The following ADAMTSL1 variants were observed in gnomAD, a reference collection of about 807,000 sequenced individuals.
ADAMTSL1 encodes the protein ADAMTS like 1.
A neutral mutation model predicts 201.8 loss-of-function variants in ADAMTSL1; 126 were observed. The observed-to-expected ratio is 0.62, with a 90% CI of 0.54 to 0.72. The LOEUF is 0.72. Among genes scored for constraint, ADAMTSL1 ranks in the 30% least tolerant of loss-of-function variants. The probability of loss-of-function intolerance (pLI) is 0.00; values close to 1 mark genes in which losing one functional copy is unlikely to be tolerated. For synonymous variants in ADAMTSL1, 1,121 were observed against 903.4 expected (o/e 1.24, Z -4.32); for missense variants, 2,679 against 2,277.8 (o/e 1.18, Z -3.59).
intron 2 of ADAMTSL1, among the ~76,000 whole-genome samples, chr9:18,255,490 T>A (rs1185894520): frequency 1.3e-5 from 2 of 152,196 alleles, no homozygotes; most frequent in African/African-American, 4.8e-5. Flanking sequence ...ACCAGCTACT[T>A]ATGTTAACTT....
intron 1 of ADAMTSL1, among the ~76,000 whole-genome samples, chr9:18,062,476 AT>A (rs1357059785): frequency 6.6e-6 from 1 of 152,164 alleles, no homozygotes; most frequent in Non-Finnish European, 1.5e-5. Flanking sequence ...ACAATAATCA[AT>A]TATCCTTTTA....
chr9:18,058,704 G>T (rs1292803914), intron 1 of ADAMTSL1, among the ~76,000 whole-genome samples: 1 of 152,086 alleles, frequency 6.6e-6, no homozygotes, highest in East Asian at 1.9e-4. Context: ...TTGTCCTTAT[G>T]TTGTGAATGC....
chr9:18,885,182 GTCC>G (rs1454780304), intron 23 of ADAMTSL1, among the ~76,000 whole-genome samples: 1 of 152,184 alleles, frequency 6.6e-6, no homozygotes, highest in Admixed American at 6.5e-5. Context: ...GTGGCTCACA[GTCC>G]TCCTTTGCAT....
rs117389827 is a variant in ADAMTSL1 at position 18,773,830 on chromosome 9, G to C, written c.2398-1913G>C. Reference sequence around the variant, plus strand: ...CGACCATGCTCTTTTAAATTTTCAGGCTTCTTACTTCCATCCCACCTGATC... The same window carrying C: ...CGACCATGCTCTTTTAAATTTTCAGCCTTCTTACTTCCATCCCACCTGATC... On this transcript the variant is annotated intron_variant, in intron 17 of 28. Coordinates refer to ENST00000380548, the MANE Select transcript of ADAMTSL1 (RefSeq NM_001040272.6). 1.1e-3 allele frequency among the ~76,000 whole-genome samples: 164 copies of C among 152,236 alleles called. 2 individuals are homozygous for C. In the East Asian group the frequency reaches 0.028, roughly 26 times the overall value.
intron 4 of ADAMTSL1, among the ~76,000 whole-genome samples, chr9:18,588,902 T>TATATATATATATATAC (rs1177277949): frequency 8.6e-6 from 1 of 116,762 alleles, no homozygotes. Context: ...TATATATATA[T>TATATATATATATATAC]ACATATATAT....
At chr9:18,077,891 A>G (rs536963604) in intron 1 of ADAMTSL1, among the ~76,000 whole-genome samples, 2 of 152,278 alleles carry the variant, frequency 1.3e-5, no homozygotes, top group African/African-American at 4.8e-5. Flanking sequence ...GTAAGAGAAG[A>G]AGATGCAGCC....
At chr9:18,301,873 T>G (rs544281779) in intron 2 of ADAMTSL1, among the ~76,000 whole-genome samples, 36 of 152,348 alleles carry the variant, frequency 2.4e-4, no homozygotes, top group African/African-American at 8.7e-4. Context: ...TGAAATTGTG[T>G]GTGTACATTA....
chr9:18,718,236 T>C, intron 14 of ADAMTSL1: 1 of 762,230 alleles, frequency 1.3e-6, no homozygotes. Flanking sequence ...AAGAATCTGT[T>C]CTCTCAAGTC....
At chr9:18,120,380 T>C (rs2131916191) in intron 1 of ADAMTSL1, among the ~76,000 whole-genome samples, 1 of 152,250 alleles carries the variant, frequency 6.6e-6, no homozygotes, top group Middle Eastern at 3.4e-3. Context: ...CTCAAATCTG[T>C]TCATCACACA....
At chr9:18,151,955 G>A (rs376274976) in intron 1 of ADAMTSL1, among the ~76,000 whole-genome samples, 18 of 152,024 alleles carry the variant, frequency 1.2e-4, no homozygotes, top group African/African-American at 2.2e-4. Context: ...ATACTAATTC[G>A]TTTGAGTGGA....
At chr9:18,281,033 G>A (rs1179314575) in intron 2 of ADAMTSL1, among the ~76,000 whole-genome samples, 1 of 151,864 alleles carries the variant, frequency 6.6e-6, no homozygotes, top group South Asian at 2.1e-4. Flanking sequence ...GCACTTCTAC[G>A]CCTGACTAAT....
At position 18,905,058 on chromosome 9, in the gene ADAMTSL1, A is replaced by C. The variant is rs183910226; in HGVS notation, c.4852-724A>C. ...AACCCTAGGGATCCAAAGACCCCCA[A>C]GTTAAGAGCCTTTGTTCTAAAGTGA... is the stretch of plus-strand genomic sequence containing the variant. On this transcript the variant is annotated intron_variant, in intron 26 of 28. Transcript: ENST00000380548. 2.3e-3 allele frequency among the ~76,000 whole-genome samples: 349 copies of C among 152,322 alleles called. 1 individual carries two copies. The highest frequency in any genetic ancestry group is 7.8e-3 in the African/African-American group (325 of 41,568).
chr9:18,596,414 AT>A (rs1243312570), intron 4 of ADAMTSL1, among the ~76,000 whole-genome samples: 1 of 152,088 alleles, frequency 6.6e-6, no homozygotes, highest in East Asian at 1.9e-4. Context: ...TTTAGCTTCA[AT>A]TTTTTCATCT....
intron 3 of ADAMTSL1, among the ~76,000 whole-genome samples, chr9:18,556,216 G>A (rs577681333): frequency 8.6e-5 from 13 of 151,906 alleles, no homozygotes; most frequent in Non-Finnish European, 1.6e-4. Context: ...CCCTCTGCCT[G>A]TAATTCTATC....
At chr9:18,289,180 C>T (rs757587061) in intron 2 of ADAMTSL1, among the ~76,000 whole-genome samples, 19 of 85,600 alleles carry the variant, frequency 2.2e-4, no homozygotes, top group South Asian at 3.9e-4. Context: ...TATCTACCTA[C>T]CTATCTATCT....
At chr9:18,754,259 A>G (rs917000902) in intron 16 of ADAMTSL1, among the ~76,000 whole-genome samples, 4 of 152,364 alleles carry the variant, frequency 2.6e-5, no homozygotes, top group East Asian at 3.9e-4. Flanking sequence ...CACCAGGCAT[A>G]TATAATAATA....
intron 2 of ADAMTSL1, among the ~76,000 whole-genome samples, chr9:18,289,172 T>TCTATCTATCTAC (rs1554650791): frequency 0.18 from 25,322 of 137,724 alleles, 2,355 homozygotes; most frequent in South Asian, 0.29. Flanking sequence ...TATCTATCTA[T>TCTATCTATCTAC]CTACCTACCT....
intron 26 of ADAMTSL1, among the ~76,000 whole-genome samples, chr9:18,900,991 G>C (rs557213410): frequency 6.6e-6 from 1 of 152,086 alleles, no homozygotes; most frequent in Non-Finnish European, 1.5e-5. Flanking sequence ...AGAGAGTCTG[G>C]TGCCTCCCTC....
intron 2 of ADAMTSL1, among the ~76,000 whole-genome samples, chr9:18,523,038 C>T (rs563902955): frequency 1.0e-3 from 158 of 152,294 alleles, no homozygotes; most frequent in African/African-American, 3.7e-3. Flanking sequence ...AATGGTTGAA[C>T]CAGTTTACAC....
Sources: allele counts gnomAD v4.1 joint callset (sites outside exome capture counted in the v4.1 genomes callset), GRCh38; gene constraint gnomAD v4.1.1; transcripts MANE v1.5; gene names NCBI Gene and HGNC (gene_info 2026-07-23, HGNC 2026-07-21).